The following FSTL5 variants were observed in gnomAD, a reference collection of about 807,000 sequenced individuals.
FSTL5 encodes the protein follistatin-related protein 5.
In FSTL5, 62 loss-of-function variants were observed where a neutral mutation model predicts 89.1. That is an observed-to-expected ratio of 0.70 (90% CI 0.57 to 0.86). The LOEUF is 0.86. Ranked by LOEUF, FSTL5 falls within the 40% of genes least tolerant of loss-of-function variation. The pLI is 0.00. For missense variants in FSTL5, 1,057 were observed against 1,001.6 expected, an observed-to-expected ratio of 1.06 and a Z score of -0.75; for synonymous variants, 383 against 346.2, an observed-to-expected ratio of 1.11 and a Z score of -1.18.
chr4:162,066,147 G>C (rs549313905), intron 2 of FSTL5, among the ~76,000 whole-genome samples: 1 of 151,908 alleles, frequency 6.6e-6, no homozygotes, highest in South Asian at 2.1e-4. Flanking sequence ...TGTGTTTTCT[G>C]TTATTTGATT....
chr4:161,632,754 T>C (rs1415537643), intron 7 of FSTL5, among the ~76,000 whole-genome samples: 6 of 152,350 alleles, frequency 3.9e-5, no homozygotes, highest in African/African-American at 1.2e-4. Context: ...ACACTATTTC[T>C]AATTTGCTTA....
chr4:162,121,040 A>G (rs1301607362), intron 1 of FSTL5, among the ~76,000 whole-genome samples: 4 of 151,896 alleles, frequency 2.6e-5, no homozygotes, highest in African/African-American at 9.7e-5. Flanking sequence ...GGTTCTAGTT[A>G]TATACAAAGA....
At chr4:161,989,337 A>T (rs1394955646) in intron 3 of FSTL5, among the ~76,000 whole-genome samples, 3 of 152,172 alleles carry the variant, frequency 2.0e-5, no homozygotes, top group Admixed American at 2.0e-4. Flanking sequence ...CCAGTAATCA[A>T]TATGCTTTGG....
chr4:161,865,665 G>A (rs879880062), intron 4 of FSTL5, among the ~76,000 whole-genome samples: 4 of 152,062 alleles, frequency 2.6e-5, no homozygotes, highest in Admixed American at 6.5e-5. Context: ...CCTTTCAAAA[G>A]TCTTAAAAGC....
chr4:161,593,508 G>C lies in FSTL5; in HGVS notation c.895-5933C>G, dbSNP rs142753690. ...AGAAAAAAAGATCAGAGAAGAGAAA[G>C]AGAGAAAGAGATAAATGGGGGAAGA... On this transcript the variant is annotated intron_variant, in intron 7 of 15. Transcript: ENST00000306100. Among the ~76,000 whole-genome samples the C allele has an allele frequency of 2.0e-3, 307 of 151,350 alleles. 2 individuals are homozygous for C. Among genetic ancestry groups the C allele is most frequent in the African/African-American group, 7.2e-3 (298 of 41,204 alleles).
intron 4 of FSTL5, among the ~76,000 whole-genome samples, chr4:161,800,761 A>G (rs1729765849): frequency 6.6e-6 from 1 of 151,636 alleles, no homozygotes; most frequent in South Asian, 2.1e-4. Context: ...AAAAATGTGA[A>G]CTAAAAACTG....
intron 3 of FSTL5, among the ~76,000 whole-genome samples, chr4:161,965,952 G>A (rs359503): frequency 0.13 from 19,028 of 151,956 alleles, 1,617 homozygotes; most frequent in African/African-American, 0.25. Context: ...GACTATCCAG[G>A]TAAGATAGAT....
intron 15 of FSTL5, among the ~76,000 whole-genome samples, chr4:161,417,242 T>C (rs1175666217): frequency 6.6e-6 from 1 of 152,228 alleles, no homozygotes; most frequent in African/African-American, 2.4e-5. Context: ...AAGTAGCATA[T>C]GAAATAGATA....
intron 7 of FSTL5, among the ~76,000 whole-genome samples, chr4:161,641,804 T>C (rs1027186149): frequency 6.6e-6 from 1 of 152,110 alleles, no homozygotes; most frequent in African/African-American, 2.4e-5. Context: ...TTAGAGAGTT[T>C]TCAGTTGAGG....
chr4:161,578,323 A>C (rs1378451641), intron 8 of FSTL5, among the ~76,000 whole-genome samples: 1 of 152,110 alleles, frequency 6.6e-6, no homozygotes, highest in African/African-American at 2.4e-5. Flanking sequence ...ATTTAGGAAA[A>C]AGAACTCTGG....
chr4:161,678,579 G>A (rs1442186375), intron 6 of FSTL5, among the ~76,000 whole-genome samples: 1 of 151,700 alleles, frequency 6.6e-6, no homozygotes, highest in Non-Finnish European at 1.5e-5. Flanking sequence ...ACAGAAAGAA[G>A]AATATGCATT....
intron 8 of FSTL5, among the ~76,000 whole-genome samples, chr4:161,578,618 G>A (rs1006870501): frequency 1.3e-5 from 2 of 152,008 alleles, no homozygotes; most frequent in African/African-American, 4.8e-5. Context: ...CCAAGTAGCT[G>A]AGTTATCTCT....
At chr4:162,026,544 G>C (rs1352840449) in intron 3 of FSTL5, among the ~76,000 whole-genome samples, 2 of 151,896 alleles carry the variant, frequency 1.3e-5, no homozygotes, top group Non-Finnish European at 2.9e-5. Context: ...CTGACCTCAA[G>C]TGATCCACCT....
chr4:161,535,115 A>G (rs1437501372), intron 10 of FSTL5, among the ~76,000 whole-genome samples: 1 of 152,136 alleles, frequency 6.6e-6, no homozygotes, highest in Admixed American at 6.6e-5. Flanking sequence ...AAATTATAAA[A>G]ATCCTAAAAG....
intron 8 of FSTL5, among the ~76,000 whole-genome samples, chr4:161,578,251 ATAAG>A (rs1386373928): frequency 6.6e-6 from 1 of 152,170 alleles, no homozygotes; most frequent in Non-Finnish European, 1.5e-5. Flanking sequence ...CAATGAAAGA[ATAAG>A]TAAGAATTAT....
intron 4 of FSTL5, among the ~76,000 whole-genome samples, chr4:161,792,791 C>T (rs1208424687): frequency 6.6e-6 from 1 of 152,146 alleles, no homozygotes; most frequent in Non-Finnish European, 1.5e-5. Context: ...TGCTTACCCT[C>T]CAGTTGTCCA....
intron 4 of FSTL5, among the ~76,000 whole-genome samples, chr4:161,809,046 G>C (rs559923497): frequency 1.3e-5 from 2 of 152,114 alleles, no homozygotes; most frequent in African/African-American, 4.8e-5. Context: ...GTGAAACCCC[G>C]TTTCTACGAA....
chr4:161,619,821 C>T (rs1383206666), intron 7 of FSTL5, among the ~76,000 whole-genome samples: 2 of 152,100 alleles, frequency 1.3e-5, no homozygotes, highest in Non-Finnish European at 2.9e-5. Context: ...CCACTTGACC[C>T]AGCCATCCCA....
chr4:161,722,294 G>A (rs909929223), intron 6 of FSTL5, among the ~76,000 whole-genome samples: 4 of 152,092 alleles, frequency 2.6e-5, no homozygotes, highest in East Asian at 1.9e-4. Flanking sequence ...TTGTTTTAAT[G>A]TTGAATACTA....
Sources: allele counts gnomAD v4.1 joint callset (sites outside exome capture counted in the v4.1 genomes callset), GRCh38; gene constraint gnomAD v4.1.1; transcripts MANE v1.5; gene names NCBI Gene and HGNC (gene_info 2026-07-23, HGNC 2026-07-21).